UGGT2: variants seen among roughly 807,000 people sequenced by gnomAD.
The protein encoded by UGGT2 is UDP-glucose glycoprotein glucosyltransferase 2.
A neutral mutation model predicts 192.1 loss-of-function variants in UGGT2; 180 were observed. That is an observed-to-expected ratio of 0.94 (90% CI 0.83 to 1.06). UGGT2 has a LOEUF of 1.06. UGGT2 is among the 50% of genes least tolerant of loss of function. UGGT2 has a pLI of 0.00. For synonymous variants in UGGT2, 580 were observed against 591.0 expected, an observed-to-expected ratio of 0.98 and a Z score of 0.27; for missense variants, 1,849 against 1,795.7, an observed-to-expected ratio of 1.03 and a Z score of -0.54.
At chr13:95,833,458 T>C (rs142419443) in intron 37 of UGGT2, among the ~76,000 whole-genome samples, 21 of 152,284 alleles carry the variant, frequency 1.4e-4, no homozygotes, top group African/African-American at 4.8e-4. Context: ...CCATATTTAC[T>C]AGTAGTAGGA....
At chr13:96,025,860 A>C (rs2052648779) in intron 2 of UGGT2, among the ~76,000 whole-genome samples, 1 of 152,194 alleles carries the variant, frequency 6.6e-6, no homozygotes, top group Non-Finnish European at 1.5e-5. Flanking sequence ...GGAGCACAAG[A>C]GTAAAGAGAC....
At chr13:95,854,940 T>A (rs1889434236) in intron 34 of UGGT2, among the ~76,000 whole-genome samples, 1 of 151,812 alleles carries the variant, frequency 6.6e-6, no homozygotes, top group Non-Finnish European at 1.5e-5. Flanking sequence ...AATATAAATG[T>A]TATTTTTTAA....
chr13:95,831,873 C>T (rs1419512356), intron 38 of UGGT2, among the ~76,000 whole-genome samples: 1 of 151,732 alleles, frequency 6.6e-6, no homozygotes, highest in Non-Finnish European at 1.5e-5. Context: ...CTCCCTCCTC[C>T]CTTTGTCATC....
chr13:95,813,320 G>C (rs1007171836), intron 38 of UGGT2, among the ~76,000 whole-genome samples: 1 of 152,232 alleles, frequency 6.6e-6, no homozygotes, highest in Non-Finnish European at 1.5e-5. Flanking sequence ...AGATGGAAAT[G>C]AGGAACTGGC....
intron 27 of UGGT2, among the ~76,000 whole-genome samples, chr13:95,879,630 T>C (rs1301431491): frequency 6.6e-6 from 1 of 152,104 alleles, no homozygotes; most frequent in Non-Finnish European, 1.5e-5. Flanking sequence ...AGAGACGGGG[T>C]TTCACCATGT....
chr13:95,825,381 A>G (rs1566550413), intron 38 of UGGT2, among the ~76,000 whole-genome samples: 1 of 152,144 alleles, frequency 6.6e-6, no homozygotes. Flanking sequence ...CTGATGTCTT[A>G]ACAAGGGGAA....
At chr13:95,922,916 C>A (rs917712616) in intron 20 of UGGT2, among the ~76,000 whole-genome samples, 3 of 152,130 alleles carry the variant, frequency 2.0e-5, no homozygotes, top group Non-Finnish European at 4.4e-5. Context: ...TTAGGTATAA[C>A]AAAAATCAAG....
Position 95,849,404 on chromosome 13 carries a change from G to A in UGGT2, c.4284+4139C>T, listed in dbSNP as rs369281954. Among the ~76,000 whole-genome samples the A allele has an allele frequency of 4.2e-3, 633 of 152,004 alleles. 4 individuals are homozygous for A. The highest frequency in any genetic ancestry group is 0.02 in the Middle Eastern group (6 of 294). On this transcript the variant is annotated intron_variant, in intron 36 of 38. Coordinates refer to ENST00000376747, the MANE Select transcript of UGGT2 (RefSeq NM_020121.4). The stretch of plus-strand genomic sequence containing the variant: ...CAAAAATACAAAAAATTAGCTGGGC[G>A]TGGTGGCAAGCGCCTGTAGTCCCAG...
chr13:95,921,234 C>G (rs1466894443), intron 20 of UGGT2, among the ~76,000 whole-genome samples: 1 of 151,510 alleles, frequency 6.6e-6, no homozygotes, highest in Admixed American at 6.6e-5. Flanking sequence ...GGAAGAATAG[C>G]TAAGGGATGC....
Position 95,884,672 on chromosome 13 carries a change from C to T in UGGT2, c.3047G>A (p.Arg1016His), listed in dbSNP as rs778022471. ...LSEAPLESFY[R>H]FVLEPELMSG... ...CATCAGTTCTGGTTCCAGAACAAAA[C>T]GGTAAAAGCTGTTAATAAAACATAA... Residue 1016 changes from arginine (R) to histidine (H), a missense_variant, in exon 27 of 39, where the codon CGT (arginine) becomes CAT (histidine). Arg to His is a conservative substitution (Grantham distance 29). Coordinates refer to ENST00000376747, the MANE Select transcript of UGGT2 (RefSeq NM_020121.4). 82 of 1,602,064 alleles carry T rather than the reference C, an allele frequency of 5.1e-5. No homozygotes were observed. The highest frequency in any genetic ancestry group is 1.7e-4 in the Middle Eastern group (1 of 6,004).
chr13:96,027,501 C>A (rs909405963), intron 2 of UGGT2, among the ~76,000 whole-genome samples: 2 of 152,086 alleles, frequency 1.3e-5, no homozygotes, highest in African/African-American at 4.8e-5. Flanking sequence ...TTATCTTCAA[C>A]CTCAGCTTTT....
intron 17 of UGGT2, among the ~76,000 whole-genome samples, chr13:95,928,527 G>A (rs1012089880): frequency 2.0e-5 from 3 of 151,520 alleles, no homozygotes; most frequent in African/African-American, 4.9e-5. Context: ...GGGTGGTGGC[G>A]GGGCAGAGAC....
chr13:95,989,862 G>A (rs2051403344), intron 8 of UGGT2, 111 bp downstream of exon 8: 1 of 613,492 alleles, frequency 1.6e-6, no homozygotes, highest in Non-Finnish European at 2.7e-6. Context: ...TTATTCACTA[G>A]TCATTAATAC....
chr13:95,877,230 TA>T, intron 29 of UGGT2, 48 bp downstream of exon 29: 2 of 1,420,918 alleles, frequency 1.4e-6, no homozygotes, highest in Non-Finnish European at 1.9e-6. Flanking sequence ...TGTATTACAC[TA>T]AAAACGTATT....
intron 1 of UGGT2, among the ~76,000 whole-genome samples, chr13:96,042,822 GGATAATAAAATATGAACAAA>G (rs1183960156): frequency 6.6e-6 from 1 of 151,854 alleles, no homozygotes; most frequent in African/African-American, 2.4e-5. Context: ...AAAGAAAAAA[GGATAATAAAATATGAACAAA>G]GCCTCCAAGA....
intron 1 of UGGT2, among the ~76,000 whole-genome samples, chr13:96,048,077 T>C (rs1460114828): frequency 1.3e-5 from 2 of 152,178 alleles, no homozygotes; most frequent in Non-Finnish European, 2.9e-5. Flanking sequence ...ATTGACCACA[T>C]AGTTGCAAGT....
At chr13:95,957,686 G>T (rs1162258850) in intron 12 of UGGT2, among the ~76,000 whole-genome samples, 1 of 152,200 alleles carries the variant, frequency 6.6e-6, no homozygotes, top group Non-Finnish European at 1.5e-5. Flanking sequence ...GCCAACCTTA[G>T]AAGCAAGCTA....
At chr13:96,034,104 C>T (rs1453834873) in intron 1 of UGGT2, among the ~76,000 whole-genome samples, 1 of 152,142 alleles carries the variant, frequency 6.6e-6, no homozygotes, top group African/African-American at 2.4e-5. Context: ...CCATAAAAAC[C>T]CCAGACTCAG....
intron 15 of UGGT2, among the ~76,000 whole-genome samples, chr13:95,945,786 T>C (rs1014750518): frequency 2.0e-5 from 3 of 152,166 alleles, no homozygotes; most frequent in African/African-American, 4.8e-5. Context: ...ATAATATTGA[T>C]GCATATTCCA....
Sources: gnomAD v4.1 joint callset for allele counts (sites outside exome capture counted in the v4.1 genomes callset) on GRCh38, gnomAD v4.1.1 for gene constraint, MANE v1.5 for transcripts, NCBI Gene and HGNC (gene_info 2026-07-23, HGNC 2026-07-21) for gene names.